NT5DC4: variants seen among roughly 807,000 people sequenced by gnomAD.
NT5DC4 encodes 5'-nucleotidase domain containing 4.
Under a neutral mutation model 26.6 loss-of-function variants are expected in NT5DC4, and 44 were observed. The ratio of observed to expected loss-of-function variants is 1.65; its 90% confidence interval spans 1.30 to 2.13. NT5DC4 has a LOEUF of 2.13. Among genes scored for constraint, NT5DC4 ranks in the 30% most tolerant of loss-of-function variants. The probability of loss-of-function intolerance (pLI) is 0.00; values close to 1 mark genes in which losing one functional copy is unlikely to be tolerated. For synonymous variants in NT5DC4, 157 were observed against 86.7 expected, an observed-to-expected ratio of 1.81 and a Z score of -4.51; for missense variants, 399 against 228.1, an observed-to-expected ratio of 1.75 and a Z score of -4.83.
At chr2:112,739,101 TTTA>T (rs1300939102), downstream of NT5DC4, 19 of 1,332,398 alleles carry the variant, frequency 1.4e-5, no homozygotes, top group African/African-American at 1.9e-4. Context: ...AAAAATTATC[TTTA>T]TTATTTTTTG....
downstream of NT5DC4, among the ~76,000 whole-genome samples, chr2:112,741,907 C>T (rs574679890): frequency 1.4e-4 from 21 of 150,696 alleles, no homozygotes; most frequent in East Asian, 1.2e-3. Flanking sequence ...ATTACAAGCA[C>T]GCACCACCAC....
In NT5DC4 at chr2:112,723,818, G is replaced by C. The variant is rs749940890; in HGVS notation, c.756+16G>C. On this transcript the variant is annotated intron_variant, in intron 9 of 16. Transcript: ENST00000688554. ...CTACACCAATGTGAGTATGTGTATGGAGGGGTGGACCGTCGGCCTCCTTCC... is the reference window on the plus strand; with the variant it reads ...CTACACCAATGTGAGTATGTGTATGCAGGGGTGGACCGTCGGCCTCCTTCC... The C allele has an allele frequency of 1.4e-6, 1 of 717,038 alleles. No homozygotes were observed. Among genetic ancestry groups the C allele is most frequent in the South Asian group, 1.5e-5 (1 of 67,596 alleles). The allele number at this position is 717,038 out of a possible 1,614,324, so 44.4% of individuals were successfully genotyped here. A position where few individuals can be genotyped will look rare whatever the true frequency, so the allele number is the denominator to read the frequency against.
At chr2:112,721,232 C>G (rs1676835241) in intron 1 of NT5DC4, among the ~76,000 whole-genome samples, 79 bp downstream of exon 1, 1 of 152,214 alleles carries the variant, frequency 6.6e-6, no homozygotes, top group Non-Finnish European at 1.5e-5. Context: ...CACAGGGGCT[C>G]CTTTAAATAC....
intron 5 of NT5DC4, 46 bp from the exon 6 acceptor site, chr2:112,722,668 T>G (rs1187607851): frequency 1.4e-6 from 1 of 717,528 alleles, no homozygotes; most frequent in South Asian, 1.5e-5. Context: ...GGTGGAGAAC[T>G]GTCTGGCTCC....
At chr2:112,726,827 C>A (rs888094341) in intron 15 of NT5DC4, 89 bp downstream of exon 15, 2 of 712,570 alleles carry the variant, frequency 2.8e-6, no homozygotes, top group South Asian at 3.0e-5. Flanking sequence ...GCTTTGTCCT[C>A]GGTGCCAAAG....
chr2:112,741,096 A>G, downstream of NT5DC4: 1 of 837,596 alleles, frequency 1.2e-6, no homozygotes, highest in African/African-American at 1.7e-5. Context: ...CATACATACA[A>G]TGATTTCCCA....
At chr2:112,741,604 GTCTTC>G (rs1431297598), downstream of NT5DC4, among the ~76,000 whole-genome samples, 3 of 152,186 alleles carry the variant, frequency 2.0e-5, no homozygotes, top group African/African-American at 4.8e-5. Context: ...ATGGATTCCT[GTCTTC>G]TCTTTTTATT....
chr2:112,728,133 T>C (rs1677999082), intron 15 of NT5DC4, among the ~76,000 whole-genome samples: 1 of 152,238 alleles, frequency 6.6e-6, no homozygotes, highest in Non-Finnish European at 1.5e-5. Flanking sequence ...TGTCTGTGTC[T>C]TAACAGACGC....
chr2:112,738,819 G>C lies in NT5DC4; in HGVS notation c.1345-94G>C, dbSNP rs779434277. 7 of 1,576,420 alleles carry C rather than the reference G, an allele frequency of 4.4e-6. 1 individual carries two copies. Among genetic ancestry groups the C allele is most frequent in the Middle Eastern group, 1.7e-4 (1 of 5,994 alleles). On this transcript the variant is annotated intron_variant, in intron 16 of 16. Coordinates refer to ENST00000688554, the MANE Select transcript of NT5DC4 (RefSeq NM_001393655.1). The stretch of plus-strand genomic sequence containing the variant: ...ACACCTTTTTTAAAAAAAGCATCAA[G>C]AAATTATGATTCAGGGGTTTGAAAC...
intron 10 of NT5DC4, 47 bp downstream of exon 10, chr2:112,724,173 G>C (rs1426078573): frequency 1.4e-6 from 1 of 716,616 alleles, no homozygotes; most frequent in East Asian, 2.7e-5. Flanking sequence ...GCTGTGCAAA[G>C]GGCCAGGGTG....
intron 15 of NT5DC4, 66 bp downstream of exon 15, chr2:112,726,804 T>C (rs1377407092): frequency 2.8e-6 from 2 of 716,126 alleles, no homozygotes; most frequent in East Asian, 2.7e-5. Flanking sequence ...ACTTCCCCAC[T>C]GCTTGCCTGT....
At position 112,724,131 on chromosome 2, in the gene NT5DC4, G is replaced by A. The variant is rs1178811006; in HGVS notation, c.789+5G>A. ...TACCTGTTCAGCATCAGTGAGGTGAGTGTTGGAGTGTTGCGTGCACGGCTG... is the reference window on the plus strand; with the variant it reads ...TACCTGTTCAGCATCAGTGAGGTGAATGTTGGAGTGTTGCGTGCACGGCTG... On this transcript the variant is annotated splice_donor_5th_base_variant and intron_variant, in intron 10 of 16. Coordinates refer to ENST00000688554, the MANE Select transcript of NT5DC4 (RefSeq NM_001393655.1). 2.4e-5 allele frequency: 17 copies of A among 717,214 alleles called. No individual in the cohort carries two copies. Among genetic ancestry groups the A allele is most frequent in the Non-Finnish European group, 4.2e-5 (16 of 385,080 alleles). 44.4% of individuals were successfully genotyped at this position (717,214 alleles called of 1,614,324 possible). A position where few individuals can be genotyped will look rare whatever the true frequency, so the allele number is the denominator to read the frequency against.
intron 16 of NT5DC4, among the ~76,000 whole-genome samples, chr2:112,734,964 A>G (rs919800643): frequency 1.3e-5 from 2 of 151,042 alleles, no homozygotes; most frequent in Non-Finnish European, 2.9e-5. Flanking sequence ...TGCTGGGATT[A>G]TAGGCGTGAG....
chr2:112,735,835 A>T (rs1679086068), intron 16 of NT5DC4, among the ~76,000 whole-genome samples: 1 of 152,174 alleles, frequency 6.6e-6, no homozygotes, highest in South Asian at 2.1e-4. Flanking sequence ...CGAAACCTCC[A>T]ATGTGCCATT....
rs973998754 is a variant in NT5DC4, at chr2:112,738,975, C to T, written c.*39C>T. On this transcript the variant is annotated 3_prime_UTR_variant, in exon 17 of 17. Transcript: ENST00000688554. ...AGCATTTCTGGGTAGCGGGACACTG[C>T]TCGCTCAATCCTCGACGAACGCCGT... The T allele has an allele frequency of 1.1e-5, 18 of 1,614,122 alleles. No homozygotes were observed. In the South Asian group the frequency reaches 1.2e-4, roughly 11 times the overall value.
intron 9 of NT5DC4, 42 bp downstream of exon 9, chr2:112,723,844 T>C: frequency 1.9e-6 from 1 of 514,138 alleles, no homozygotes. Flanking sequence ...GCCTCCTTCC[T>C]GGCCCCAGGG....
intron 16 of NT5DC4, chr2:112,738,025 G>A (rs1679461104): frequency 6.6e-6 from 1 of 152,130 alleles, no homozygotes; most frequent in Admixed American, 6.5e-5. Flanking sequence ...GGAAGAAAAA[G>A]CAACCTACAA....
rs1424492058 is a variant in NT5DC4, at chr2:112,725,565, G to T, written c.1153+13G>T. 2 of 693,664 alleles carry T rather than the reference G, an allele frequency of 2.9e-6. No homozygotes were observed. The highest frequency in any genetic ancestry group is 3.0e-5 in the South Asian group (2 of 65,582). 43.0% of individuals were successfully genotyped at this position (693,664 alleles called of 1,614,324 possible). A position where few individuals can be genotyped will look rare whatever the true frequency, so the allele number is the denominator to read the frequency against. On this transcript the variant is annotated intron_variant, in intron 13 of 16. Transcript: ENST00000688554. ...GCCCAGGAGAAGGGTGAGCTGTTGG[G>T]GTCTGGAACAGTCAGAGGGGCACTG...
At chr2:112,719,952 TTCTTTCTTTCTTTCTTTCTTTC>T (rs1459039678), upstream of NT5DC4, among the ~76,000 whole-genome samples, 22 of 124,066 alleles carry the variant, frequency 1.8e-4, no homozygotes, top group Non-Finnish European at 3.5e-4. Context: ...CTTTCTTTCT[TTCTTTCTTTCTTTCTTTCTTTC>T]TTTCTTTCTT....
Sources: gnomAD v4.1 joint callset for allele counts (sites outside exome capture counted in the v4.1 genomes callset) on GRCh38, gnomAD v4.1.1 for gene constraint, MANE v1.5 for transcripts, NCBI Gene and HGNC (gene_info 2026-07-23, HGNC 2026-07-21) for gene names.